Variants in C5orf63 observed in about 807,000 individuals in gnomAD.
The protein encoded by C5orf63 is glutaredoxin-like protein C5orf63.
In C5orf63, 18 loss-of-function variants were observed where a neutral mutation model predicts 13.3. That is an observed-to-expected ratio of 1.36 (90% confidence interval 0.94 to 2.01). The LOEUF (loss-of-function observed/expected upper bound fraction) is 2.01, where lower values mean the gene tolerates loss of function less well. Among genes scored for constraint, C5orf63 ranks in the 30% most tolerant of loss-of-function variants. The probability of loss-of-function intolerance (pLI) is 0.00; values close to 1 mark genes in which losing one functional copy is unlikely to be tolerated. For missense variants in C5orf63, 118 were observed against 127.7 expected (o/e 0.92, Z 0.36); for synonymous variants, 38 against 44.7 (o/e 0.85, Z 0.60).
At chr5:127,053,677 C>T (rs970456400) in intron 3 of C5orf63, among the ~76,000 whole-genome samples, 4 of 152,142 alleles carry the variant, frequency 2.6e-5, no homozygotes, top group East Asian at 1.9e-4. Context: ...AGTGAGAACA[C>T]GCTGTGTTTG....
At chr5:127,049,344 T>C (rs1322716734), downstream of C5orf63, among the ~76,000 whole-genome samples, 3 of 152,216 alleles carry the variant, frequency 2.0e-5, no homozygotes, top group Admixed American at 1.3e-4. Context: ...TTCCTGAATA[T>C]GCTGTGTCCT....
chr5:127,044,664 T>C (rs565466735), downstream of C5orf63: 1 of 152,240 alleles, frequency 6.6e-6, no homozygotes, highest in East Asian at 1.9e-4. Context: ...AATGGGTTAC[T>C]ATGGTTTACT....
chr5:127,067,361 T>C (rs1472550957), intron 2 of C5orf63, among the ~76,000 whole-genome samples: 3 of 152,182 alleles, frequency 2.0e-5, no homozygotes, highest in African/African-American at 7.2e-5. Context: ...AATGAAACAT[T>C]TAAATCTCTA....
chr5:127,070,280 T>C (rs963422289), intron 2 of C5orf63, among the ~76,000 whole-genome samples: 3 of 152,242 alleles, frequency 2.0e-5, no homozygotes, highest in Admixed American at 6.5e-5. Flanking sequence ...ATGGAAGGAC[T>C]ATGTGTTTTA....
intron 1 of C5orf63, chr5:127,072,046 TGAA>T (rs1754564606): frequency 6.6e-6 from 1 of 152,178 alleles, no homozygotes; most frequent in African/African-American, 2.4e-5. Context: ...ATTCCTCTGA[TGAA>T]GGAGACAAAA....
downstream of C5orf63, chr5:127,048,017 G>A (rs1476574867): frequency 1.2e-5 from 7 of 600,024 alleles, no homozygotes; most frequent in Non-Finnish European, 2.1e-5. Context: ...AGTTAAAGCA[G>A]ACCACACTTG....
chr5:127,056,781 A>T (rs1480728064), intron 3 of C5orf63, among the ~76,000 whole-genome samples: 1 of 152,092 alleles, frequency 6.6e-6, no homozygotes, highest in Non-Finnish European at 1.5e-5. Flanking sequence ...AACCAGAGCA[A>T]CTCCAAAATC....
chr5:127,051,470 CTG>C lies in C5orf63; in HGVS notation c.*299_*300del. On this transcript the variant is annotated 3_prime_UTR_variant, in exon 5 of 5. Coordinates refer to ENST00000296662, the MANE Select transcript of C5orf63 (RefSeq NM_001164478.2). ...TCCTATAAATGGCATTGCCCAGTGA[CTG>C]TGAAGTGCTTCTCTATTAATACAAA... 4.1e-6 allele frequency: 5 copies of C among 1,233,906 alleles called. No homozygotes were observed. The highest frequency in any genetic ancestry group is 3.1e-5 in the East Asian group (1 of 31,784). The allele number at this position is 1,233,906 out of a possible 1,614,324, so 76.4% of individuals were successfully genotyped here. A position where few individuals can be genotyped will look rare whatever the true frequency, so the allele number is the denominator to read the frequency against.
At chr5:127,066,700 TAA>T (rs923845023) in intron 2 of C5orf63, among the ~76,000 whole-genome samples, 1 of 151,924 alleles carries the variant, frequency 6.6e-6, no homozygotes, top group African/African-American at 2.4e-5. Flanking sequence ...GGTCTAAAGA[TAA>T]AGACTTGAGT....
downstream of C5orf63, chr5:127,043,820 A>G (rs1753459253): frequency 6.6e-6 from 1 of 152,242 alleles, no homozygotes; most frequent in Non-Finnish European, 1.5e-5. Flanking sequence ...AGTCTTTCTG[A>G]ATATAGGACT....
chr5:127,071,457 T>C (rs904048146), intron 2 of C5orf63, 127 bp downstream of exon 2: 6 of 152,224 alleles, frequency 3.9e-5, no homozygotes, highest in Non-Finnish European at 5.9e-5. Flanking sequence ...ATGTCTAAGA[T>C]AAACTTAGCC....
chr5:127,066,238 G>C (rs527371360), intron 2 of C5orf63, among the ~76,000 whole-genome samples: 36 of 152,188 alleles, frequency 2.4e-4, no homozygotes, highest in African/African-American at 8.7e-4. Flanking sequence ...TAGGCCTTGT[G>C]GGTTATGTTA....
At chr5:127,055,983 T>A (rs1226743924) in intron 3 of C5orf63, among the ~76,000 whole-genome samples, 1 of 152,164 alleles carries the variant, frequency 6.6e-6, no homozygotes, top group African/African-American at 2.4e-5. Context: ...CATTCAAATA[T>A]CCTTCTCTAG....
chr5:127,066,763 T>C (rs78013735), intron 2 of C5orf63, among the ~76,000 whole-genome samples: 2 of 151,836 alleles, frequency 1.3e-5, no homozygotes, highest in South Asian at 4.2e-4. Flanking sequence ...GGTGAAATCA[T>C]CTAAAATTGT....
exon 5 of C5orf63, chr5:127,045,386 G>C (rs1355048017): frequency 6.6e-6 from 1 of 152,032 alleles, no homozygotes; most frequent in Non-Finnish European, 1.5e-5. Context: ...CACATTCCTT[G>C]GCTCATGGCT....
At chr5:127,073,159 T>C (rs551742479) in intron 1 of C5orf63, 1 of 151,876 alleles carries the variant, frequency 6.6e-6, no homozygotes, top group African/African-American at 2.4e-5. Context: ...GAAGTTGAGA[T>C]GTTTTCTGCT....
At chr5:127,043,590 T>G (rs1753453997), downstream of C5orf63, 2 of 152,188 alleles carry the variant, frequency 1.3e-5, no homozygotes, top group Admixed American at 1.3e-4. Flanking sequence ...CCTCTGACCT[T>G]AAAAGAGTGA....
intron 2 of C5orf63, 120 bp from the exon 3 acceptor site, chr5:127,059,122 C>A (rs1235593057): frequency 1.0e-5 from 7 of 681,054 alleles, no homozygotes; most frequent in Non-Finnish European, 1.5e-5. Flanking sequence ...TTCTTCAAGT[C>A]CAGGAGTGTT....
chr5:127,061,706 T>C (rs1754113691), intron 2 of C5orf63, among the ~76,000 whole-genome samples: 1 of 152,182 alleles, frequency 6.6e-6, no homozygotes, highest in Non-Finnish European at 1.5e-5. Flanking sequence ...ACACAGGCTA[T>C]AAAAATGGGG....
Sources: gnomAD v4.1 joint callset for allele counts (sites outside exome capture counted in the v4.1 genomes callset) on GRCh38, gnomAD v4.1.1 for gene constraint, MANE v1.5 for transcripts, NCBI Gene and HGNC (gene_info 2026-07-23, HGNC 2026-07-21) for gene names.